The following EFCAB8 variants were observed in gnomAD, a reference collection of about 807,000 sequenced individuals.
EFCAB8 encodes the protein EF-hand calcium-binding domain-containing protein 8.
A neutral mutation model predicts 116.3 loss-of-function variants in EFCAB8; 100 were observed. The ratio of observed to expected loss-of-function variants is 0.86; its 90% CI spans 0.73 to 1.02. The LOEUF is 1.02. EFCAB8 is among the 50% of genes least tolerant of loss of function. The pLI is 0.00. For missense variants in EFCAB8, 1,320 were observed against 1,416.9 expected (o/e 0.93, Z 1.10); for synonymous variants, 558 against 567.9 (o/e 0.98, Z 0.25).
At position 32,908,920 on chromosome 20, in the gene EFCAB8, C is replaced by A. The variant is rs1009010921; in HGVS notation, c.1446+508C>A. Among the ~76,000 whole-genome samples, 11 of 152,322 alleles carry A rather than the reference C, an allele frequency of 7.2e-5. No individual in the cohort carries two copies. In the East Asian group the frequency reaches 2.1e-3, roughly 29 times the overall value. On this transcript the variant is annotated intron_variant, in intron 14 of 26. Transcript: ENST00000400522. ...TGTGACTCAGGACTCAGCTGGAACC[C>A]CTGTGAGGTCTGTCCTGACCCTGGA... is the stretch of plus-strand genomic sequence containing the variant.
chr20:32,946,112 G>T (rs369755895), intron 23 of EFCAB8, among the ~76,000 whole-genome samples: 1 of 152,206 alleles, frequency 6.6e-6, no homozygotes, highest in Non-Finnish European at 1.5e-5. Flanking sequence ...TCCACAGAGC[G>T]GCAGGAGGGA....
chr20:32,903,706 A>G (rs565745806), intron 11 of EFCAB8: 4 of 152,388 alleles, frequency 2.6e-5, no homozygotes, highest in African/African-American at 9.6e-5. Context: ...TTTTAGAGGA[A>G]TCCTTGTGTC....
In EFCAB8 at chr20:32,909,841, C is replaced by A; in HGVS notation, c.1467C>A (p.Tyr489Ter). 8.0e-7 allele frequency: 1 copy of A among 1,249,840 alleles called. No homozygotes were observed. Among genetic ancestry groups the A allele is most frequent in the Non-Finnish European group, 1.0e-6 (1 of 988,208 alleles). The allele number at this position is 1,249,840 out of a possible 1,614,324, so 77.4% of individuals were successfully genotyped here. A position where few individuals can be genotyped will look rare whatever the true frequency, so the allele number is the denominator to read the frequency against. ...STYSIGILKG[Y>*]LEAQGLIKAR... ...TACAGATCGGGATCCTAAAAGGGTA[C>A]TTAGAGGCCCAGGGGCTTATCAAAG... Residue 489 changes from tyrosine to a stop codon, truncating the protein, a stop_gained, in exon 15 of 27, where the codon TAC becomes TAA. Transcript: ENST00000400522. LOFTEE classifies it high-confidence loss of function.
intron 17 of EFCAB8, among the ~76,000 whole-genome samples, chr20:32,913,408 G>A (rs578084100): frequency 4.6e-5 from 7 of 151,982 alleles, no homozygotes; most frequent in African/African-American, 9.7e-5. Context: ...TGACCTCATC[G>A]CCTCCCAAGG....
chr20:32,914,555 G>A (rs1403160423), intron 17 of EFCAB8, among the ~76,000 whole-genome samples: 1 of 152,184 alleles, frequency 6.6e-6, no homozygotes, highest in Non-Finnish European at 1.5e-5. Flanking sequence ...TCACAGTTGT[G>A]CATGGCTAGG....
chr20:32,876,782 C>T (rs777224046), intron 4 of EFCAB8, among the ~76,000 whole-genome samples: 2 of 152,042 alleles, frequency 1.3e-5, no homozygotes, highest in Admixed American at 6.6e-5. Context: ...GCCTGGGTAA[C>T]GTGGTAAAAC....
intron 2 of EFCAB8, among the ~76,000 whole-genome samples, chr20:32,867,156 A>G (rs975952196): frequency 9.2e-5 from 14 of 152,080 alleles, no homozygotes; most frequent in African/African-American, 3.4e-4. Context: ...CTGACCTCAA[A>G]TGATCCGCCC....
Position 32,938,994 on chromosome 20 carries a change from T to TTCCTTCCC in EFCAB8, c.2791-4622_2791-4615dup, listed in dbSNP as rs1173860048. 6.8e-5 allele frequency among the ~76,000 whole-genome samples: 9 copies of TTCCTTCCC among 132,898 alleles called. 1 individual carries two copies. The highest frequency in any genetic ancestry group is 1.2e-4 in the African/African-American group (4 of 33,586). 87.2% of individuals were successfully genotyped at this position (132,898 alleles called of 152,430 possible). On this transcript the variant is annotated intron_variant, in intron 22 of 26. Coordinates refer to ENST00000400522, the MANE Select transcript of EFCAB8 (RefSeq NM_001143967.2). ...TCTTTCTTTTCCTTCCCTTCCTTCC[T>TTCCTTCCC]TCCTTCCCTCCTTCCCTCCTTCCCT...
At chr20:32,874,304 C>T (rs1237009339) in intron 3 of EFCAB8, among the ~76,000 whole-genome samples, 3 of 152,180 alleles carry the variant, frequency 2.0e-5, no homozygotes, top group Admixed American at 1.3e-4. Flanking sequence ...CCAACTTCAG[C>T]CTCTGCCTCC....
rs1385313757 is a variant in EFCAB8 at position 32,961,533 on chromosome 20, CCTT to C, written c.3793_3795del (p.Phe1265del). On this transcript the variant is annotated inframe_deletion, in exon 27 of 27. Coordinates refer to ENST00000400522, the MANE Select transcript of EFCAB8 (RefSeq NM_001143967.2). ...GTGACCCCCAAGCACATTGTCTCCT[CCTT>C]CGAGCGGCCCCCAAGGCCTCTGAAG... The C allele has an allele frequency of 4.2e-6, 6 of 1,414,418 alleles. No homozygotes were observed. In the Middle Eastern group the frequency reaches 5.5e-4, roughly 130 times the overall value. The allele number at this position is 1,414,418 out of a possible 1,614,324, so 87.6% of individuals were successfully genotyped here.
intron 7 of EFCAB8, 100 bp downstream of exon 7, chr20:32,889,506 C>A: frequency 8.2e-7 from 1 of 1,212,868 alleles, no homozygotes; most frequent in Non-Finnish European, 1.2e-6. Flanking sequence ...GAACATGGAT[C>A]AGAGCCCCCT....
intron 23 of EFCAB8, among the ~76,000 whole-genome samples, chr20:32,953,797 T>C (rs867064586): frequency 6.6e-6 from 1 of 152,164 alleles, no homozygotes; most frequent in African/African-American, 2.4e-5. Flanking sequence ...GGTTGATTGT[T>C]GATTGTGGTT....
Position 32,906,571 on chromosome 20 carries a change from G to A in EFCAB8, c.1098G>A (p.Val366=), listed in dbSNP as rs372026942. ...AKASKKPRLS[V]LRLRKGILCF... ...TCCTTTGATATTGTAGGTTGTCAGT[G>A]CTGCGTTTAAGGAAAGGGATTCTTT... Residue 366 remains valine (V), a synonymous_variant, in exon 12 of 27, where the codon GTG becomes GTA. Transcript: ENST00000400522. 1.7e-4 allele frequency: 121 copies of A among 718,406 alleles called. No individual in the cohort carries two copies. Among genetic ancestry groups the A allele is most frequent in the Non-Finnish European group, 2.4e-4 (91 of 385,094 alleles). 44.5% of individuals were successfully genotyped at this position (718,406 alleles called of 1,614,324 possible).
intron 22 of EFCAB8, among the ~76,000 whole-genome samples, chr20:32,936,861 G>C (rs1363129641): frequency 6.6e-6 from 1 of 152,070 alleles, no homozygotes; most frequent in Non-Finnish European, 1.5e-5. Flanking sequence ...TTGGAATTTT[G>C]ATAGGGACTG....
chr20:32,959,930 C>G lies in EFCAB8; in HGVS notation c.3242C>G (p.Pro1081Arg). ...ATGTCCCCGTGGGCCGGAGAGCGCC[C>G]CCTGGAAGACATTGAGGACAGCTGG... Reference protein sequence around the residue: ...ALMSPWAGERPLEDIEDSWNK... With the variant: ...ALMSPWAGERRLEDIEDSWNK... The change falls in exon 25 of 27, where the codon CCC (proline) becomes CGC (arginine). Residue 1081 changes from proline to arginine, a missense_variant. Transcript: ENST00000400522. 6.4e-7 allele frequency: 1 copy of G among 1,551,600 alleles called. No individual in the cohort carries two copies.
chr20:32,859,848 C>T (rs1984012554), intron 1 of EFCAB8, among the ~76,000 whole-genome samples: 1 of 152,168 alleles, frequency 6.6e-6, no homozygotes, highest in African/African-American at 2.4e-5. Flanking sequence ...AATATAGAGT[C>T]CATGTTCAAA....
In EFCAB8 at chr20:32,893,209, A is replaced by T. The variant is rs1480414447; in HGVS notation, c.794A>T (p.Asp265Val). 6.4e-7 allele frequency: 1 copy of T among 1,551,980 alleles called. No homozygotes were observed. The highest frequency in any genetic ancestry group is 2.4e-5 in the East Asian group (1 of 40,894). The part of the protein sequence containing the change: ...DYHRGVFCYG[D>V]AKGNVIVFTS... ...CACAGAGGTGTGTTCTGCTATGGAGACGCCAAAGGCAACGTCATTGTCTTC... is the reference window on the plus strand; with the variant it reads ...CACAGAGGTGTGTTCTGCTATGGAGTCGCCAAAGGCAACGTCATTGTCTTC... The change falls in exon 9 of 27, where the codon GAC becomes GTC. Residue 265 changes from aspartate (D) to valine (V), a missense_variant. Transcript: ENST00000400522.
chr20:32,898,214 G>C (rs1021321272), intron 10 of EFCAB8, among the ~76,000 whole-genome samples: 1 of 152,216 alleles, frequency 6.6e-6, no homozygotes, highest in African/African-American at 2.4e-5. Flanking sequence ...GAGATGATTA[G>C]TATGGGCCTG....
intron 23 of EFCAB8, among the ~76,000 whole-genome samples, chr20:32,954,428 A>T (rs1231927665): frequency 6.6e-6 from 1 of 152,118 alleles, no homozygotes; most frequent in Non-Finnish European, 1.5e-5. Flanking sequence ...GTTGAATATC[A>T]TTTGGCTATA....
Sources: gnomAD v4.1 joint callset for allele counts (sites outside exome capture counted in the v4.1 genomes callset) on GRCh38, gnomAD v4.1.1 for gene constraint, MANE v1.5 for transcripts, NCBI Gene and HGNC (gene_info 2026-07-23, HGNC 2026-07-21) for gene names.